Variants in HELZ observed in about 807,000 individuals in gnomAD.
HELZ encodes helicase with zinc finger, also known as ATP-dependent RNA helicase with zinc finger domain.
Under a neutral mutation model 218.2 loss-of-function variants are expected in HELZ, and 23 were observed. That is an observed-to-expected ratio of 0.11 (90% CI 0.08 to 0.15). HELZ has a LOEUF of 0.15. HELZ is among the 10% of genes least tolerant of loss of function. The pLI is 1.00. For synonymous variants in HELZ, 814 were observed against 829.4 expected, an observed-to-expected ratio of 0.98 and a Z score of 0.32; for missense variants, 1,813 against 2,353.7, an observed-to-expected ratio of 0.77 and a Z score of 4.75.
chr17:67,244,198 T>A (rs757133804), intron 1 of HELZ, among the ~76,000 whole-genome samples: 1 of 152,262 alleles, frequency 6.6e-6, no homozygotes, highest in Non-Finnish European at 1.5e-5. Context: ...GACAGACAAC[T>A]CCTCCCTCCT....
At chr17:67,151,257 T>C (rs764869492) in intron 17 of HELZ, 33 bp from the exon 18 acceptor site, 1 of 1,539,544 alleles carries the variant, frequency 6.5e-7, no homozygotes, top group South Asian at 1.2e-5. Flanking sequence ...TGATTTACAT[T>C]TACTAATTTC....
At chr17:67,222,234 G>A (rs1295509568) in intron 3 of HELZ, among the ~76,000 whole-genome samples, 2 of 152,166 alleles carry the variant, frequency 1.3e-5, no homozygotes, top group African/African-American at 4.8e-5. Context: ...CTACTTGACA[G>A]AGGATTTTCA....
chr17:67,213,762 G>A (rs1253075343), intron 5 of HELZ, among the ~76,000 whole-genome samples: 1 of 152,094 alleles, frequency 6.6e-6, no homozygotes, highest in Admixed American at 6.5e-5. Context: ...TGACAAACCA[G>A]AAAACTAGAA....
chr17:67,203,579 A>C (rs1345978308), intron 5 of HELZ, 136 bp from the exon 6 acceptor site: 2 of 994,122 alleles, frequency 2.0e-6, no homozygotes, highest in Non-Finnish European at 2.9e-6. Flanking sequence ...AGAGGGAAGC[A>C]GTGGTGTTTC....
At position 67,206,921 on chromosome 17, in the gene HELZ, G is replaced by GT. The variant is rs1216610321; in HGVS notation, c.248-3479dup. On this transcript the variant is annotated intron_variant, in intron 5 of 32. Coordinates refer to ENST00000358691, the MANE Select transcript of HELZ (RefSeq NM_014877.4). ...GTTTTTTTGTTTTTTGTTTTTTTGG[G>GT]TTTTTTTTGAGACAGAGTTTCGCTC... is the stretch of plus-strand genomic sequence containing the variant. Among the ~76,000 whole-genome samples the GT allele has an allele frequency of 1.7e-4, 23 of 131,964 alleles. No homozygotes were observed. The South Asian group carries it at 4.1e-3, about 24-fold the overall frequency. 86.6% of individuals were successfully genotyped at this position (131,964 alleles called of 152,430 possible).
intron 5 of HELZ, among the ~76,000 whole-genome samples, chr17:67,209,632 A>G (rs1160984657): frequency 6.6e-6 from 1 of 152,158 alleles, no homozygotes; most frequent in Non-Finnish European, 1.5e-5. Flanking sequence ...GCTGAAGTAT[A>G]CACAAGTAGT....
Position 67,245,149 on chromosome 17 carries a change from T to C in HELZ, c.-133A>G. ...GAGAAGGGGGAAGTCAGGACTTACCTGTCATTACTTTCTACGCCATCTTGG... is the reference window on the plus strand; with the variant it reads ...GAGAAGGGGGAAGTCAGGACTTACCCGTCATTACTTTCTACGCCATCTTGG... On this transcript the variant is annotated splice_region_variant and 5_prime_UTR_variant, in exon 1 of 33. Coordinates refer to ENST00000358691, the MANE Select transcript of HELZ (RefSeq NM_014877.4). The C allele has an allele frequency of 1.0e-6, 1 of 985,104 alleles. No individual in the cohort carries two copies. The highest frequency in any genetic ancestry group is 1.2e-6 in the Non-Finnish European group (1 of 829,872). 61.0% of individuals were successfully genotyped at this position (985,104 alleles called of 1,614,324 possible).
intron 6 of HELZ, among the ~76,000 whole-genome samples, chr17:67,203,085 T>C (rs2040208187): frequency 6.6e-6 from 1 of 151,598 alleles, no homozygotes; most frequent in South Asian, 2.1e-4. Flanking sequence ...TCACACCACT[T>C]TACTCAGCCT....
chr17:67,202,482 A>T (rs957039057), intron 6 of HELZ, among the ~76,000 whole-genome samples: 4 of 152,182 alleles, frequency 2.6e-5, no homozygotes, highest in Non-Finnish European at 5.9e-5. Flanking sequence ...CAGCCTCAGC[A>T]ATTCAGCAAG....
At chr17:67,185,861 T>A (rs890923681) in intron 12 of HELZ, among the ~76,000 whole-genome samples, 1 of 152,168 alleles carries the variant, frequency 6.6e-6, no homozygotes, top group East Asian at 1.9e-4. Flanking sequence ...TATGGTATTA[T>A]GAAAAAAGAG....
intron 23 of HELZ, among the ~76,000 whole-genome samples, chr17:67,131,905 C>T (rs1315694756): frequency 1.3e-5 from 2 of 152,076 alleles, no homozygotes; most frequent in Non-Finnish European, 2.9e-5. Context: ...AATTATGAAG[C>T]ATTTCTGAAT....
At chr17:67,171,484 C>CA (rs2039309465) in intron 13 of HELZ, among the ~76,000 whole-genome samples, 1 of 152,198 alleles carries the variant, frequency 6.6e-6, no homozygotes, top group African/African-American at 2.4e-5. Context: ...ATCACAGAAT[C>CA]ACTGTGCCCT....
At position 67,104,917 on chromosome 17, in the gene HELZ, G is replaced by C. The variant is rs2037052904; in HGVS notation, c.5241+2252C>G. Among the ~76,000 whole-genome samples, 3 of 152,112 alleles carry C rather than the reference G, an allele frequency of 2.0e-5. No individual in the cohort carries two copies. In the South Asian group the frequency reaches 6.2e-4, roughly 32 times the overall value. On this transcript the variant is annotated intron_variant, in intron 31 of 32. Coordinates refer to ENST00000358691, the MANE Select transcript of HELZ (RefSeq NM_014877.4). ...GCGGATCACCTGAGGTCAGGAGTTTGAGACCAGCCTGGCCAATATCGTGAA... is the reference window on the plus strand; with the variant it reads ...GCGGATCACCTGAGGTCAGGAGTTTCAGACCAGCCTGGCCAATATCGTGAA...
intron 23 of HELZ, among the ~76,000 whole-genome samples, chr17:67,132,906 A>G (rs933701715): frequency 2.6e-5 from 4 of 152,236 alleles, no homozygotes; most frequent in African/African-American, 9.6e-5. Flanking sequence ...AAAAGCAGGA[A>G]AACAGTCCTA....
chr17:67,159,615 G>T (rs1371160306), intron 17 of HELZ, among the ~76,000 whole-genome samples: 1 of 152,004 alleles, frequency 6.6e-6, no homozygotes, highest in African/African-American at 2.4e-5. Flanking sequence ...ACAATTTGAT[G>T]ATTCTTTATT....
Position 67,077,465 on chromosome 17 carries a change from T to A in HELZ, c.*787A>T, listed in dbSNP as rs944326107. 2 of 152,000 alleles carry A rather than the reference T, an allele frequency of 1.3e-5. No individual in the cohort carries two copies. Among genetic ancestry groups the A allele is most frequent in the African/African-American group, 4.8e-5 (2 of 41,390 alleles). 9.4% of individuals were successfully genotyped at this position (152,000 alleles called of 1,614,324 possible). A position where few individuals can be genotyped will look rare whatever the true frequency, so the allele number is the denominator to read the frequency against. On this transcript the variant is annotated 3_prime_UTR_variant, in exon 33 of 33. Transcript: ENST00000358691. ...TACTAAGCACCAACAATCCTAAAAA[T>A]TTTTCAGCTTCTTGATTTGTTTAAA...
intron 31 of HELZ, among the ~76,000 whole-genome samples, chr17:67,097,370 T>C (rs2036781396): frequency 6.6e-6 from 1 of 152,168 alleles, no homozygotes; most frequent in Non-Finnish European, 1.5e-5. Context: ...AAAACTATAA[T>C]ATCTGTGAAA....
At chr17:67,244,669 C>T (rs2041423467) in intron 1 of HELZ, 2 of 978,998 alleles carry the variant, frequency 2.0e-6, no homozygotes, top group Admixed American at 6.2e-5. Context: ...CTTTTCCCCA[C>T]GCCCCCGCTC....
chr17:67,199,145 A>G (rs2143071561), intron 7 of HELZ, among the ~76,000 whole-genome samples: 1 of 152,258 alleles, frequency 6.6e-6, no homozygotes, highest in East Asian at 1.9e-4. Flanking sequence ...GTTACTTCTT[A>G]GAAATTAAAA....
Sources: allele counts gnomAD v4.1 joint callset (sites outside exome capture counted in the v4.1 genomes callset), GRCh38; gene constraint gnomAD v4.1.1; transcripts MANE v1.5; gene names NCBI Gene and HGNC (gene_info 2026-07-23, HGNC 2026-07-21).